Variants in ADCY2 observed in about 807,000 individuals in gnomAD.
ADCY2 encodes the protein adenylate cyclase type 2.
ADCY2 carries 31 observed loss-of-function variants against 125.2 expected under a neutral mutation model. That is an observed-to-expected ratio of 0.25 (90% CI 0.19 to 0.33). ADCY2 has a LOEUF of 0.33. ADCY2 is among the 10% of genes least tolerant of loss of function. The probability of loss-of-function intolerance (pLI) is 1.00; values close to 1 mark genes in which losing one functional copy is unlikely to be tolerated. For missense variants in ADCY2, 904 were observed against 1,418.2 expected (o/e 0.64, Z 5.82); for synonymous variants, 512 against 548.4 (o/e 0.93, Z 0.93).
At chr5:7,724,745 T>C (rs1252277938) in intron 13 of ADCY2, 131 bp downstream of exon 13, 1 of 670,814 alleles carries the variant, frequency 1.5e-6, no homozygotes, top group Non-Finnish European at 2.5e-6. Flanking sequence ...CTTTCTGGCT[T>C]TTCTGGTGGT....
At chr5:7,459,578 T>C (rs1041387885) in intron 2 of ADCY2, among the ~76,000 whole-genome samples, 1 of 152,092 alleles carries the variant, frequency 6.6e-6, no homozygotes, top group East Asian at 1.9e-4. Context: ...AAGAACAGTA[T>C]TGGCAACTTG....
At chr5:7,675,978 A>C in intron 4 of ADCY2, among the ~76,000 whole-genome samples, 1 of 152,268 alleles carries the variant, frequency 6.6e-6, no homozygotes, top group East Asian at 1.9e-4. Context: ...TGTGAATTCA[A>C]GTATTTATTA....
At chr5:7,752,894 C>CTT (rs11319936) in intron 15 of ADCY2, among the ~76,000 whole-genome samples, 20 of 94,342 alleles carry the variant, frequency 2.1e-4, no homozygotes, top group African/African-American at 5.6e-4. Context: ...TAGGATTTTC[C>CTT]TTTTTTTTTT....
intron 3 of ADCY2, among the ~76,000 whole-genome samples, chr5:7,586,507 A>G (rs2126618430): frequency 6.6e-6 from 1 of 152,226 alleles, no homozygotes; most frequent in African/African-American, 2.4e-5. Flanking sequence ...CTGAGTTCTG[A>G]CAAATGTGAG....
intron 3 of ADCY2, among the ~76,000 whole-genome samples, chr5:7,606,587 T>C (rs1737383895): frequency 6.6e-6 from 1 of 152,208 alleles, no homozygotes; most frequent in Non-Finnish European, 1.5e-5. Flanking sequence ...GGCACATTCT[T>C]GCAGGCTCTG....
At chr5:7,629,024 C>A (rs1252970710) in intron 4 of ADCY2, among the ~76,000 whole-genome samples, 2 of 152,228 alleles carry the variant, frequency 1.3e-5, no homozygotes, top group Non-Finnish European at 2.9e-5. Context: ...CCACCTTTCG[C>A]TTCATCCACA....
At chr5:7,418,649 T>TTTTTTG (rs1740055018) in intron 2 of ADCY2, among the ~76,000 whole-genome samples, 1 of 105,486 alleles carries the variant, frequency 9.5e-6, no homozygotes, top group African/African-American at 4.3e-5. Flanking sequence ...TACCTTCTGT[T>TTTTTTG]TTTTTTTTTT....
At chr5:7,635,963 C>T (rs1738487148) in intron 4 of ADCY2, among the ~76,000 whole-genome samples, 1 of 152,132 alleles carries the variant, frequency 6.6e-6, no homozygotes. Flanking sequence ...TCTTTGACCT[C>T]ACAGACAGCC....
chr5:7,490,234 G>A (rs1168450844), intron 2 of ADCY2, among the ~76,000 whole-genome samples: 1 of 151,924 alleles, frequency 6.6e-6, no homozygotes, highest in Non-Finnish European at 1.5e-5. Context: ...GCTTCTATAA[G>A]CGTTGTTCTT....
chr5:7,723,768 A>C (rs983532861), intron 12 of ADCY2, among the ~76,000 whole-genome samples: 13 of 151,926 alleles, frequency 8.6e-5, no homozygotes, highest in African/African-American at 3.1e-4. Context: ...TAAAAATACA[A>C]AAATTAGCCA....
chr5:7,811,090 A>G (rs1744928960), intron 22 of ADCY2, among the ~76,000 whole-genome samples: 2 of 152,108 alleles, frequency 1.3e-5, no homozygotes, highest in Admixed American at 6.5e-5. Context: ...ATTTCCCCCA[A>G]CAACCTGGAA....
intron 1 of ADCY2, among the ~76,000 whole-genome samples, chr5:7,411,242 C>T (rs923776338): frequency 3.9e-5 from 6 of 152,168 alleles, no homozygotes; most frequent in Non-Finnish European, 8.8e-5. Flanking sequence ...TCACAGGCCT[C>T]ACAAGCAGCA....
At chr5:7,501,731 G>C (rs1002613830) in intron 2 of ADCY2, among the ~76,000 whole-genome samples, 2 of 140,078 alleles carry the variant, frequency 1.4e-5, no homozygotes, top group South Asian at 2.3e-4. Context: ...CTTTTGAAGA[G>C]AGAGGGCTCA....
chr5:7,785,605 G>A (rs1350773), intron 19 of ADCY2, among the ~76,000 whole-genome samples: 87,930 of 151,832 alleles, frequency 0.58, 25,540 homozygotes, highest in East Asian at 0.68. Context: ...ACGACTGGCC[G>A]TCTTTCTGCT....
chr5:7,804,683 G>A lies in ADCY2; in HGVS notation c.2874G>A (p.Glu958=), dbSNP rs772107106. 6.2e-7 allele frequency: 1 copy of A among 1,613,960 alleles called. No individual in the cohort carries two copies. The highest frequency in any genetic ancestry group is 2.2e-5 in the East Asian group (1 of 44,872). ...ATGLSAVPSQ[E]HSQEPERQYM... ...GTCTGAGCGCTGTGCCCAGCCAGGA[G>A]CACTCCCAGGTAAGACGCGTTGGCC... The change falls in exon 22 of 25, where the codon GAG becomes GAA. Residue 958 remains glutamate, a synonymous_variant. Coordinates refer to ENST00000338316, the MANE Select transcript of ADCY2 (RefSeq NM_020546.3).
intron 3 of ADCY2, among the ~76,000 whole-genome samples, chr5:7,532,470 C>T (rs1316673085): frequency 1.3e-5 from 2 of 152,194 alleles, no homozygotes; most frequent in Admixed American, 6.5e-5. Context: ...AACTGCTTTG[C>T]CTTGTTCCTC....
chr5:7,828,219 T>C lies in ADCY2; in HGVS notation c.*1348T>C, dbSNP rs1745547307. On this transcript the variant is annotated 3_prime_UTR_variant, in exon 25 of 25. Transcript: ENST00000338316. ...GTAGCCCAGTTGGTCAAACTTGTTT[T>C]CTTTTTATAACTCATGGCAGGCATC... 6.5e-6 allele frequency: 1 copy of C among 152,806 alleles called. No homozygotes were observed. Among genetic ancestry groups the C allele is most frequent in the African/African-American group, 2.4e-5 (1 of 41,462 alleles). The allele number at this position is 152,806 out of a possible 1,614,324, so 9.5% of individuals were successfully genotyped here.
chr5:7,655,496 CCAGGAGGCTGGAAGCCAAAA>C (rs1400580711), intron 4 of ADCY2, among the ~76,000 whole-genome samples: 1 of 152,214 alleles, frequency 6.6e-6, no homozygotes, highest in Non-Finnish European at 1.5e-5. Context: ...CCAGCTGAAG[CCAGGAGGCTGGAAGCCAAAA>C]CAGGGACTAA....
At chr5:7,439,219 T>C (rs1740917281) in intron 2 of ADCY2, among the ~76,000 whole-genome samples, 1 of 152,122 alleles carries the variant, frequency 6.6e-6, no homozygotes, top group African/African-American at 2.4e-5. Context: ...CACTACTGGG[T>C]AATTTATGAA....
Sources: gnomAD v4.1 joint callset for allele counts (sites outside exome capture counted in the v4.1 genomes callset) on GRCh38, gnomAD v4.1.1 for gene constraint, MANE v1.5 for transcripts, NCBI Gene and HGNC (gene_info 2026-07-23, HGNC 2026-07-21) for gene names.